The following F2 variants were observed in gnomAD, a reference collection of about 807,000 sequenced individuals.
F2 encodes prothrombin.
In F2, 34 loss-of-function variants were observed where a neutral mutation model predicts 81.9. The ratio of observed to expected loss-of-function variants is 0.42; its 90% CI spans 0.32 to 0.55. F2 has a LOEUF of 0.55. Ranked by LOEUF, F2 falls within the 20% of genes least tolerant of loss-of-function variation. The probability of loss-of-function intolerance (pLI) is 0.18; values close to 1 mark genes in which losing one functional copy is unlikely to be tolerated. For synonymous variants in F2, 296 were observed against 326.4 expected, an observed-to-expected ratio of 0.91 and a Z score of 1.01; for missense variants, 630 against 833.4, an observed-to-expected ratio of 0.76 and a Z score of 3.00.
At chr11:46,725,809 C>T in intron 6 of F2, 50 bp from the exon 7 acceptor site, 3 of 1,595,122 alleles carry the variant, frequency 1.9e-6, no homozygotes, top group Non-Finnish European at 2.6e-6. Context: ...CTGTTCCGGT[C>T]CATGTGTGGT....
At chr11:46,721,391 C>T (rs1169198655) in intron 4 of F2, among the ~76,000 whole-genome samples, 2 of 152,100 alleles carry the variant, frequency 1.3e-5, no homozygotes, top group Non-Finnish European at 2.9e-5. Context: ...GAGTCTCTGC[C>T]CCCACCTAGT....
Position 46,723,899 on chromosome 11 carries a change from A to G in F2, c.559+381A>G, listed in dbSNP as rs1203710653. On this transcript the variant is annotated intron_variant, in intron 6 of 13. Transcript: ENST00000311907. This position sits in a 1 kb window ranked among gnomAD's most constrained non-coding sequence, Gnocchi z 5.6. ...GAGCAAAACTCTGTCTCAAAGAAAA[A>G]AAAAAGATGCTGGCCACCTTCAGAG... 6.6e-6 allele frequency among the ~76,000 whole-genome samples: 1 copy of G among 152,052 alleles called. No homozygotes were observed. Among genetic ancestry groups the G allele is most frequent in the Non-Finnish European group, 1.5e-5 (1 of 67,974 alleles).
intron 4 of F2, among the ~76,000 whole-genome samples, chr11:46,721,332 G>A (rs779687614): frequency 9.2e-5 from 14 of 152,214 alleles, no homozygotes; most frequent in Non-Finnish European, 1.6e-4. Context: ...GAGCCACCGC[G>A]CCTGGCCATG....
In F2 at chr11:46,726,447, T is replaced by G; in HGVS notation, c.875-51T>G. The G allele has an allele frequency of 6.3e-7, 1 of 1,593,810 alleles. No homozygotes were observed. The highest frequency in any genetic ancestry group is 1.1e-5 in the South Asian group (1 of 88,440). ...AGGGGAATTGGGGGGATCTAGGGGA[T>G]GGGTGAGGAATGGCCCAGCCCAGTC... is the stretch of plus-strand genomic sequence containing the variant. On this transcript the variant is annotated intron_variant, in intron 7 of 13. Transcript: ENST00000311907. This position sits in a 1 kb window ranked among gnomAD's most constrained non-coding sequence, Gnocchi z 5.9.
In F2 at chr11:46,725,930, G is replaced by A; in HGVS notation, c.631G>A (p.Glu211Lys). The A allele has an allele frequency of 1.2e-6, 2 of 1,613,884 alleles. No homozygotes were observed. Among genetic ancestry groups the A allele is most frequent in the African/African-American group, 1.3e-5 (1 of 75,048 alleles). Residue 211 changes from glutamate (E) to lysine (K), a missense_variant, in exon 7 of 14, where the codon GAG becomes AAG. Glu to Lys is a moderately conservative substitution (Grantham distance 56). Transcript: ENST00000311907. ...GSSVNLSPPL[E>K]QCVPDRGQQY... ...CAGTGTGAATCTGTCACCTCCATTG[G>A]AGCAGTGTGTCCCTGATCGGGGGCA...
chr11:46,734,422 CAT>C (rs2064932283), intron 12 of F2, among the ~76,000 whole-genome samples: 1 of 151,978 alleles, frequency 6.6e-6, no homozygotes, highest in Non-Finnish European at 1.5e-5. Context: ...TTTTTAACCT[CAT>C]GTATAATTTT....
At chr11:46,727,440 C>T (rs554847559) in intron 9 of F2, among the ~76,000 whole-genome samples, 1 of 152,146 alleles carries the variant, frequency 6.6e-6, no homozygotes, top group Non-Finnish European at 1.5e-5. Context: ...CTGTGCTACG[C>T]TATGTGAACT....
intron 11 of F2, 118 bp from the exon 12 acceptor site, chr11:46,729,262 G>A (rs1592415267): frequency 1.7e-6 from 2 of 1,166,060 alleles, no homozygotes; most frequent in East Asian, 2.4e-5. Flanking sequence ...CCACAGGCGT[G>A]AACGTCTGTG....
At position 46,719,903 on chromosome 11, in the gene F2, G is replaced by A. The variant is rs556066325; in HGVS notation, c.240+41G>A. 1.4e-5 allele frequency: 22 copies of A among 1,545,250 alleles called. No homozygotes were observed. The highest frequency in any genetic ancestry group is 4.8e-5 in the South Asian group (4 of 84,052). On this transcript the variant is annotated intron_variant, in intron 2 of 13. Transcript: ENST00000311907. The surrounding 1 kb of genome is among the most constrained non-coding windows in gnomAD (Gnocchi z 4.7). ...TCGGACGGTGCCGGGGCCTCAGACC[G>A]GGCCCAACTCTAGACACTTCCACAG...
intron 3 of F2, 76 bp from the exon 4 acceptor site, chr11:46,720,714 A>G: frequency 6.4e-7 from 1 of 1,569,230 alleles, no homozygotes; most frequent in South Asian, 1.1e-5. Context: ...TTTCTCACCA[A>G]CATCCCATCC....
chr11:46,729,558 G>T lies in F2; in HGVS notation c.1651G>T (p.Ala551Ser), dbSNP rs778511124. 1.3e-5 allele frequency: 21 copies of T among 1,612,640 alleles called. No homozygotes were observed. The highest frequency in any genetic ancestry group is 1.6e-5 in the Non-Finnish European group (19 of 1,178,878). Reference sequence around the variant, plus strand: ...CCGCATCACTGACAACATGTTCTGTGCTGGCAAGTCTGTGCAGGGCGGGCT... The same window carrying T: ...CCGCATCACTGACAACATGTTCTGTTCTGGCAAGTCTGTGCAGGGCGGGCT... ...RIRITDNMFC[A>S]GYKPDEGKRG... The change falls in exon 12 of 14, where the codon GCT becomes TCT. Residue 551 changes from alanine to serine, a missense_variant. Coordinates refer to ENST00000311907, the MANE Select transcript of F2 (RefSeq NM_000506.5).
intron 6 of F2, among the ~76,000 whole-genome samples, chr11:46,724,975 T>A (rs868190476): frequency 6.6e-6 from 1 of 151,770 alleles, no homozygotes; most frequent in East Asian, 1.9e-4. Context: ...TTTCACCATG[T>A]TGGCCAGGCT....
rs777785946 is a variant in F2, at chr11:46,723,267, G to A, written c.404G>A (p.Arg135His). Residue 135 changes from arginine to histidine, a missense_variant, in exon 5 of 14, where the codon CGC (arginine) becomes CAC (histidine). Physicochemically the swap from Arg to His is conservative, Grantham distance 29. Coordinates refer to ENST00000311907, the MANE Select transcript of F2 (RefSeq NM_000506.5). This position sits in a 1 kb window ranked among gnomAD's most constrained non-coding sequence, Gnocchi z 5.6. ...SGIECQLWRS[R>H]YPHKPEINST... ...ATTGAGTGCCAGCTATGGAGGAGTC[G>A]CTACCCACATAAGCCTGAGTGAGTG... 21 of 1,613,934 alleles carry A rather than the reference G, an allele frequency of 1.3e-5. No homozygotes were observed. Among genetic ancestry groups the A allele is most frequent in the South Asian group, 4.4e-5 (4 of 91,074 alleles).
At chr11:46,729,113 A>G (rs2064894518) in intron 11 of F2, among the ~76,000 whole-genome samples, 1 of 152,040 alleles carries the variant, frequency 6.6e-6, no homozygotes. Context: ...CTCCTGCCTC[A>G]GTCTCCTGAG....
At chr11:46,734,333 T>C (rs1266442246) in intron 12 of F2, among the ~76,000 whole-genome samples, 1 of 152,170 alleles carries the variant, frequency 6.6e-6, no homozygotes, top group Non-Finnish European at 1.5e-5. Flanking sequence ...TTCTTATCAA[T>C]TTTTGTGAGT....
Position 46,723,230 on chromosome 11 carries a change from A to G in F2, c.367A>G (p.Thr123Ala). 6.2e-7 allele frequency: 1 copy of G among 1,614,014 alleles called. No individual in the cohort carries two copies. Among genetic ancestry groups the G allele is most frequent in the Non-Finnish European group, 8.5e-7 (1 of 1,180,008 alleles). The change falls in exon 5 of 14, where the codon ACC becomes GCC. Residue 123 changes from threonine to alanine, a missense_variant. By Grantham distance (58) the Thr-to-Ala change is moderately conservative (BLOSUM62 0). Coordinates refer to ENST00000311907, the MANE Select transcript of F2 (RefSeq NM_000506.5). This position sits in a 1 kb window ranked among gnomAD's most constrained non-coding sequence, Gnocchi z 5.6. ...GAACTACCGAGGGCATGTGAACATCACCCGGTCAGGCATTGAGTGCCAGCT... is the reference window on the plus strand; with the variant it reads ...GAACTACCGAGGGCATGTGAACATCGCCCGGTCAGGCATTGAGTGCCAGCT... ...GTNYRGHVNI[T>A]RSGIECQLWR...
intron 12 of F2, among the ~76,000 whole-genome samples, chr11:46,733,934 G>A (rs764661470): frequency 5.9e-5 from 9 of 151,434 alleles, no homozygotes; most frequent in Non-Finnish European, 8.8e-5. Flanking sequence ...GACTCCAGGC[G>A]CGAGTCACCA....
Position 46,729,386 on chromosome 11 carries a change from C to T in F2, c.1479C>T (p.Leu493=), listed in dbSNP as rs893592319. The change falls in exon 12 of 14, where the codon CTC becomes CTT. Residue 493 remains leucine, a synonymous_variant. Coordinates refer to ENST00000311907, the MANE Select transcript of F2 (RefSeq NM_000506.5). ...LPDRETAASL[L]QAGYKGRVTG... ...CCTTCTTCCTTCCCCAAAGCTTGCT[C>T]CAGGCTGGATACAAGGGGCGGGTGA... is the stretch of plus-strand genomic sequence containing the variant. 6.2e-6 allele frequency: 10 copies of T among 1,613,786 alleles called. No individual in the cohort carries two copies. Among genetic ancestry groups the T allele is most frequent in the Non-Finnish European group, 8.5e-6 (10 of 1,179,966 alleles).
At position 46,719,980 on chromosome 11, in the gene F2, A is replaced by C; in HGVS notation, c.240+118A>C. Reference sequence around the variant, plus strand: ...CCTTCGCTGCTCACAGCCTCATTTCAACTCTGAGCCCCTCCTCACAGGGCT... The same window carrying C: ...CCTTCGCTGCTCACAGCCTCATTTCCACTCTGAGCCCCTCCTCACAGGGCT... On this transcript the variant is annotated intron_variant, in intron 2 of 13. Transcript: ENST00000311907. The surrounding 1 kb of genome is among the most constrained non-coding windows in gnomAD (Gnocchi z 4.7). 7.3e-7 allele frequency: 1 copy of C among 1,375,248 alleles called. No homozygotes were observed. The highest frequency in any genetic ancestry group is 1.0e-6 in the Non-Finnish European group (1 of 1,004,884). 85.2% of individuals were successfully genotyped at this position (1,375,248 alleles called of 1,614,324 possible).
Sources: gnomAD v4.1 joint callset for allele counts (sites outside exome capture counted in the v4.1 genomes callset) on GRCh38, gnomAD v4.1.1 for gene constraint, Gnocchi (gnomAD v3.1) non-coding constraint, MANE v1.5 for transcripts, NCBI Gene and HGNC (gene_info 2026-07-23, HGNC 2026-07-21) for gene names.